The following TRMT2B variants were observed in gnomAD, a reference collection of about 807,000 sequenced individuals.
TRMT2B encodes the protein tRNA methyltransferase 2B.
A neutral mutation model predicts 39.7 loss-of-function variants in TRMT2B; 34 were observed. That is an observed-to-expected ratio of 0.86 (90% CI 0.65 to 1.14). TRMT2B has a LOEUF of 1.14. TRMT2B is among the 50% of genes most tolerant of loss of function. The probability of loss-of-function intolerance (pLI) is 0.00; values close to 1 mark genes in which losing one functional copy is unlikely to be tolerated. For synonymous variants in TRMT2B, 132 were observed against 137.3 expected (o/e 0.96, Z 0.27); for missense variants, 318 against 377.2 (o/e 0.84, Z 1.30).
the TRMT2B span, chrX:100,985,946 G>A: frequency 1.7e-4 from 197 of 1,184,734 alleles, no homozygotes; most frequent in Middle Eastern, 2.5e-3. Context: ...TCCTATTTCT[G>A]CTTCCCAATT....
the TRMT2B span, among the ~76,000 whole-genome samples, chrX:100,991,374 TTTTTG>T: frequency 6.7e-5 from 7 of 104,762 alleles, no homozygotes; most frequent in African/African-American, 2.4e-4. Flanking sequence ...CAGTGCTAAG[TTTTTG>T]TTTTGTTTTG....
chrX:101,016,594 G>A (rs977467579), intron 13 of TRMT2B, among the ~76,000 whole-genome samples: 2 of 106,290 alleles, frequency 1.9e-5, no homozygotes, highest in Admixed American at 2.0e-4. Flanking sequence ...CTCATGCCAA[G>A]TAGCTGGGAT....
intron 7 of TRMT2B, among the ~76,000 whole-genome samples, chrX:101,024,290 C>A (rs2086948098): frequency 8.9e-6 from 1 of 111,902 alleles, no homozygotes; most frequent in African/African-American, 3.2e-5. Context: ...TCAGTGGAGA[C>A]TCTGATCTTA....
At chrX:101,000,813 A>G in the TRMT2B span, among the ~76,000 whole-genome samples, 1 of 111,732 alleles carries the variant, frequency 8.9e-6, no homozygotes, top group Non-Finnish European at 1.9e-5. Flanking sequence ...TAATGATGAT[A>G]GGGCTACACC....
intron 7 of TRMT2B, among the ~76,000 whole-genome samples, chrX:101,033,067 C>T (rs2087595526): frequency 9.2e-6 from 1 of 108,352 alleles, no homozygotes; most frequent in African/African-American, 3.4e-5. Context: ...ACCAGCCTGG[C>T]CAACATGGTG....
chrX:101,026,886 T>A (rs1307570507), intron 7 of TRMT2B, among the ~76,000 whole-genome samples: 2 of 111,762 alleles, frequency 1.8e-5, no homozygotes, highest in African/African-American at 6.5e-5. Flanking sequence ...CAATATACTA[T>A]CAGATTGCTT....
the TRMT2B span, among the ~76,000 whole-genome samples, chrX:100,984,201 T>C: frequency 9.1e-6 from 1 of 109,665 alleles, no homozygotes; most frequent in Admixed American, 9.7e-5. Context: ...GCAACCTCTG[T>C]CTCCAGGGCT....
intron 2 of TRMT2B, among the ~76,000 whole-genome samples, chrX:101,047,835 AAAAC>A (rs767732980): frequency 2.7e-5 from 3 of 109,165 alleles, no homozygotes; most frequent in Non-Finnish European, 3.8e-5. Flanking sequence ...TTAAAAAAAA[AAAAC>A]AGAGATGGGG....
intron 7 of TRMT2B, among the ~76,000 whole-genome samples, chrX:101,026,211 G>A (rs749534790): frequency 2.3e-4 from 26 of 111,286 alleles, no homozygotes; most frequent in South Asian, 3.8e-4. Context: ...AGTGTCTCTC[G>A]CCTATAATCC....
At chrX:101,028,006 G>A (rs1212121020) in intron 7 of TRMT2B, among the ~76,000 whole-genome samples, 1 of 108,807 alleles carries the variant, frequency 9.2e-6, no homozygotes, top group East Asian at 2.9e-4. Context: ...GATGAGCCTG[G>A]ACATATACAT....
At chrX:100,979,058 T>A in the TRMT2B span, among the ~76,000 whole-genome samples, 3 of 112,126 alleles carry the variant, frequency 2.7e-5, no homozygotes, top group African/African-American at 9.7e-5. Context: ...TTGTTGTTTC[T>A]ATTTATATCT....
At position 101,052,108 on chromosome X, in the gene TRMT2B, T is replaced by TCCTCC. The variant is rs1158574781; in HGVS notation, c.-799_-798insGGAGG. 1.8e-5 allele frequency: 2 copies of TCCTCC among 111,326 alleles called. No individual in the cohort carries two copies. Among genetic ancestry groups the TCCTCC allele is most frequent in the African/African-American group, 6.5e-5 (2 of 30,545 alleles). 9.2% of individuals were successfully genotyped at this position (111,326 alleles called of 1,213,427 possible). A position where few individuals can be genotyped will look rare whatever the true frequency, so the allele number is the denominator to read the frequency against. ...CGCCTTCCTTCTCTAAGTTCTCCTC[T>TCCTCC]CCTCCCCTCCCCGGGGCCCCGCCCA... is the stretch of plus-strand genomic sequence containing the variant. On this transcript the variant is annotated 5_prime_UTR_variant, in exon 1 of 14. Coordinates refer to ENST00000372936, the MANE Select transcript of TRMT2B (RefSeq NM_024917.6).
At position 101,021,138 on chromosome X, in the gene TRMT2B, G is replaced by A. The variant is rs374186188; in HGVS notation, c.1029C>T (p.Asn343=). 43 of 1,209,439 alleles carry A rather than the reference G, an allele frequency of 3.6e-5. No individual in the cohort carries two copies. In the African/African-American group the frequency reaches 6.6e-4, roughly 19 times the overall value. ...AGATGTCAAGAAGGATGGTGTCAGA[G>A]TTCACTCCAGTCAGCTCCCCCACAG... The part of the protein sequence containing the change: ...YRTVGELTGV[N]SDTILLDICC... Residue 343 remains asparagine (N), a synonymous_variant, in exon 10 of 14, where the codon AAC becomes AAT. Coordinates refer to ENST00000372936, the MANE Select transcript of TRMT2B (RefSeq NM_024917.6).
At chrX:101,033,732 AAAGTC>A (rs781024464) in intron 7 of TRMT2B, among the ~76,000 whole-genome samples, 2 of 112,347 alleles carry the variant, frequency 1.8e-5, no homozygotes, top group South Asian at 7.4e-4. Context: ...CAACTATAAA[AAAGTC>A]AAGTATATTA....
intron 7 of TRMT2B, among the ~76,000 whole-genome samples, chrX:101,032,731 G>A (rs1276901547): frequency 1.3e-4 from 13 of 97,255 alleles, no homozygotes; most frequent in South Asian, 1.0e-3. Context: ...AGCCAAGATC[G>A]CACCATTACA....
intron 2 of TRMT2B, among the ~76,000 whole-genome samples, chrX:101,048,450 C>CA (rs777930869): frequency 0.25 from 24,783 of 98,206 alleles, 2,816 homozygotes; most frequent in African/African-American, 0.41. Flanking sequence ...TCTTTGTTAC[C>CA]AAAAAAAAAA....
At position 101,037,940 on chromosome X, in the gene TRMT2B, G is replaced by A. The variant is rs771922241; in HGVS notation, c.415C>T (p.Leu139Phe). Residue 139 changes from leucine to phenylalanine, a missense_variant, in exon 5 of 14, where the codon CTT becomes TTT. By Grantham distance (22) the Leu-to-Phe change is conservative. Coordinates refer to ENST00000372936, the MANE Select transcript of TRMT2B (RefSeq NM_024917.6). Reference sequence around the variant, plus strand: ...ACAGAGGGTATAATAGGATGGAGAAGACAAGAGAGCCTCTCAGATTTGGGT... The same window carrying A: ...ACAGAGGGTATAATAGGATGGAGAAAACAAGAGAGCCTCTCAGATTTGGGT... ...AVPKSERLSC[L>F]LHPIIPSPVI... 4 of 1,210,820 alleles carry A rather than the reference G, an allele frequency of 3.3e-6. No individual in the cohort carries two copies. In the South Asian group the frequency reaches 5.3e-5, roughly 16 times the overall value.
At chrX:101,014,287 A>C (rs1431629060) in intron 13 of TRMT2B, among the ~76,000 whole-genome samples, 1 of 110,230 alleles carries the variant, frequency 9.1e-6, no homozygotes, top group Non-Finnish European at 1.9e-5. Context: ...GGAGTAAGAA[A>C]CTCATTTTTA....
At chrX:100,988,880 A>G in the TRMT2B span, among the ~76,000 whole-genome samples, 1 of 91,840 alleles carries the variant, frequency 1.1e-5, no homozygotes, top group East Asian at 3.3e-4. Flanking sequence ...ATATATATAT[A>G]TCAAGAATTT....
Sources: gnomAD v4.1 joint callset for allele counts (sites outside exome capture counted in the v4.1 genomes callset) on GRCh38, gnomAD v4.1.1 for gene constraint, MANE v1.5 for transcripts, NCBI Gene and HGNC (gene_info 2026-07-23, HGNC 2026-07-21) for gene names.